The following PBX3 variants were observed in gnomAD, a reference collection of about 807,000 sequenced individuals.
PBX3 encodes PBX homeobox 3, also known as pre-B-cell leukemia transcription factor 3.
A neutral mutation model predicts 48.5 loss-of-function variants in PBX3; 14 were observed. The ratio of observed to expected loss-of-function variants is 0.29; its 90% CI spans 0.19 to 0.45. The LOEUF (loss-of-function observed/expected upper bound fraction) is 0.45. PBX3 is among the 20% of genes least tolerant of loss of function. The pLI is 1.00. For missense variants in PBX3, 386 were observed against 546.7 expected (o/e 0.71, Z 2.93); for synonymous variants, 210 against 200.3 (o/e 1.05, Z -0.41).
At chr9:125,923,434 CT>C (rs1322874548) in intron 3 of PBX3, among the ~76,000 whole-genome samples, 1 of 152,190 alleles carries the variant, frequency 6.6e-6, no homozygotes, top group African/African-American at 2.4e-5. Context: ...AGTTTTCAAA[CT>C]TTTCAGTCTT....
At chr9:125,835,831 G>A (rs142450266) in intron 2 of PBX3, among the ~76,000 whole-genome samples, 1 of 152,220 alleles carries the variant, frequency 6.6e-6, no homozygotes, top group East Asian at 1.9e-4. Context: ...GATATGATCT[G>A]GTAATCACCC....
At chr9:125,875,500 A>G (rs1038210700) in intron 2 of PBX3, among the ~76,000 whole-genome samples, 2 of 152,164 alleles carry the variant, frequency 1.3e-5, no homozygotes, top group Non-Finnish European at 2.9e-5. Flanking sequence ...CATTAAGGCT[A>G]ACTAGGTAGG....
At chr9:125,879,547 A>G (rs1400378630) in intron 2 of PBX3, among the ~76,000 whole-genome samples, 1 of 152,242 alleles carries the variant, frequency 6.6e-6, no homozygotes, top group African/African-American at 2.4e-5. Context: ...AAAAGAAGTT[A>G]GAATCATAAA....
At chr9:125,834,208 G>A (rs528673428) in intron 2 of PBX3, among the ~76,000 whole-genome samples, 2 of 152,244 alleles carry the variant, frequency 1.3e-5, no homozygotes, top group African/African-American at 4.8e-5. Context: ...AGTAGGGGGA[G>A]ACTTTAGAAA....
intron 2 of PBX3, among the ~76,000 whole-genome samples, chr9:125,902,269 T>C (rs1309872584): frequency 6.6e-6 from 1 of 151,708 alleles, no homozygotes; most frequent in East Asian, 1.9e-4. Flanking sequence ...AATGTATGAT[T>C]AGAGCATTGA....
intron 4 of PBX3, 90 bp from the exon 5 acceptor site, chr9:125,935,382 T>C: frequency 4.5e-6 from 5 of 1,119,192 alleles, no homozygotes; most frequent in Non-Finnish European, 6.5e-6. Context: ...AAAAGAGAAA[T>C]CTACTTTTTT....
chr9:125,747,438 GC>G lies in PBX3; in HGVS notation c.-13del. ...TTCGCCTCAGCCGCCGCCCGCTCCC[GC>G]CCGCGCGCGGCGGGATGGACGATCA... On this transcript the variant is annotated 5_prime_UTR_variant, in exon 1 of 9. Coordinates refer to ENST00000373489, the MANE Select transcript of PBX3 (RefSeq NM_006195.6). 7.7e-7 allele frequency: 1 copy of G among 1,295,864 alleles called. No homozygotes were observed. Among genetic ancestry groups the G allele is most frequent in the South Asian group, 1.5e-5 (1 of 67,776 alleles). The allele number at this position is 1,295,864 out of a possible 1,614,324, so 80.3% of individuals were successfully genotyped here.
chr9:125,958,739 A>G (rs1842363435), intron 5 of PBX3, among the ~76,000 whole-genome samples: 1 of 152,192 alleles, frequency 6.6e-6, no homozygotes, highest in Non-Finnish European at 1.5e-5. Flanking sequence ...TTATATGGAA[A>G]TCTCTTTAAA....
chr9:125,804,771 C>A (rs1838068316), intron 2 of PBX3, among the ~76,000 whole-genome samples: 1 of 151,806 alleles, frequency 6.6e-6, no homozygotes, highest in South Asian at 2.1e-4. Context: ...CATGGTGAAA[C>A]CCCATCTTTA....
At chr9:125,960,037 A>G (rs553579328) in intron 5 of PBX3, among the ~76,000 whole-genome samples, 3 of 152,348 alleles carry the variant, frequency 2.0e-5, no homozygotes, top group African/African-American at 7.2e-5. Flanking sequence ...AGAAAGAAAT[A>G]TATTCCACCT....
At chr9:125,754,330 G>A (rs1219960697) in intron 2 of PBX3, among the ~76,000 whole-genome samples, 1 of 152,094 alleles carries the variant, frequency 6.6e-6, no homozygotes, top group Non-Finnish European at 1.5e-5. Context: ...TCAAGCCCGT[G>A]TTGACCTTTT....
At chr9:125,928,830 G>A (rs1841648135) in intron 3 of PBX3, among the ~76,000 whole-genome samples, 1 of 152,178 alleles carries the variant, frequency 6.6e-6, no homozygotes, top group Non-Finnish European at 1.5e-5. Flanking sequence ...GACATCCCTT[G>A]AAGAGTTGAG....
At chr9:125,783,289 A>G (rs1345222553) in intron 2 of PBX3, among the ~76,000 whole-genome samples, 1 of 151,570 alleles carries the variant, frequency 6.6e-6, no homozygotes, top group Non-Finnish European at 1.5e-5. Flanking sequence ...TTTTCCTTCT[A>G]TTCTTTTTCT....
At chr9:125,781,416 C>G (rs373691654) in intron 2 of PBX3, among the ~76,000 whole-genome samples, 3 of 151,482 alleles carry the variant, frequency 2.0e-5, no homozygotes, top group African/African-American at 2.4e-5. Context: ...GGCACTCGGC[C>G]GGCTGAGGCA....
At chr9:125,850,335 C>T (rs1839545508) in intron 2 of PBX3, among the ~76,000 whole-genome samples, 1 of 151,966 alleles carries the variant, frequency 6.6e-6, no homozygotes, top group South Asian at 2.1e-4. Flanking sequence ...TAACTGATGT[C>T]AAAAGGAGTT....
intron 2 of PBX3, among the ~76,000 whole-genome samples, chr9:125,856,519 G>A (rs1178782986): frequency 2.0e-5 from 3 of 152,082 alleles, no homozygotes; most frequent in Admixed American, 6.6e-5. Context: ...CTAACGGAGC[G>A]GCGCCTCGGG....
chr9:125,771,482 T>C (rs1836939204), intron 2 of PBX3, among the ~76,000 whole-genome samples: 5 of 152,182 alleles, frequency 3.3e-5, no homozygotes, highest in Admixed American at 3.3e-4. Flanking sequence ...GGTGAAAATA[T>C]AAAATTTCAT....
intron 2 of PBX3, among the ~76,000 whole-genome samples, chr9:125,819,292 G>A (rs1311440469): frequency 6.6e-6 from 1 of 151,926 alleles, no homozygotes; most frequent in Admixed American, 6.6e-5. Flanking sequence ...ACTTTGGGAG[G>A]CCTAGGTGGG....
At chr9:125,760,682 G>A (rs1836643094) in intron 2 of PBX3, among the ~76,000 whole-genome samples, 1 of 152,110 alleles carries the variant, frequency 6.6e-6, no homozygotes, top group South Asian at 2.1e-4. Flanking sequence ...GGCACATTGT[G>A]CATCTGATTG....
Sources: allele counts gnomAD v4.1 joint callset (sites outside exome capture counted in the v4.1 genomes callset), GRCh38; gene constraint gnomAD v4.1.1; transcripts MANE v1.5; gene names NCBI Gene and HGNC (gene_info 2026-07-23, HGNC 2026-07-21).